The following MED27 variants were observed in gnomAD, a reference collection of about 807,000 sequenced individuals.
The protein encoded by MED27 is mediator complex subunit 27.
In MED27, 30 loss-of-function variants were observed where a neutral mutation model predicts 38.2. The ratio of observed to expected loss-of-function variants is 0.79; its 90% CI spans 0.59 to 1.07. The LOEUF is 1.07. Among genes scored for constraint, MED27 ranks in the 50% least tolerant of loss-of-function variants. The pLI is 0.00. For synonymous variants in MED27, 122 were observed against 153.5 expected (o/e 0.79, Z 1.52); for missense variants, 289 against 397.5 (o/e 0.73, Z 2.32).
intron 4 of MED27, among the ~76,000 whole-genome samples, chr9:131,930,425 A>G (rs1340875676): frequency 6.6e-6 from 1 of 152,244 alleles, no homozygotes; most frequent in Non-Finnish European, 1.5e-5. Flanking sequence ...CAGACCTCTC[A>G]GTGGAAACCT....
chr9:131,877,383 T>C (rs946104435), intron 6 of MED27, among the ~76,000 whole-genome samples: 1 of 151,890 alleles, frequency 6.6e-6, no homozygotes, highest in Non-Finnish European at 1.5e-5. Context: ...CTGGCCAACA[T>C]GGTGAAAATC....
At chr9:132,008,778 C>G (rs1369190682) in intron 3 of MED27, among the ~76,000 whole-genome samples, 1 of 152,242 alleles carries the variant, frequency 6.6e-6, no homozygotes, top group Non-Finnish European at 1.5e-5. Flanking sequence ...ACAAGCCACG[C>G]AGAAACCTAC....
intron 3 of MED27, among the ~76,000 whole-genome samples, chr9:131,970,544 G>A (rs926483329): frequency 6.6e-6 from 1 of 152,216 alleles, no homozygotes; most frequent in African/African-American, 2.4e-5. Context: ...ACCACAAGCC[G>A]GTGAAAACTG....
intron 3 of MED27, among the ~76,000 whole-genome samples, chr9:131,942,076 TG>T (rs904353448): frequency 4.6e-5 from 7 of 152,046 alleles, no homozygotes; most frequent in African/African-American, 1.7e-4. Context: ...CTGCCCACCT[TG>T]GCTTCCCAAA....
intron 4 of MED27, among the ~76,000 whole-genome samples, chr9:131,899,523 T>C (rs1040663812): frequency 6.6e-6 from 1 of 152,210 alleles, no homozygotes; most frequent in Non-Finnish European, 1.5e-5. Context: ...CAACCTCTGG[T>C]GCCTGTTTAC....
chr9:131,981,572 AAAG>A (rs1831736545), intron 3 of MED27, among the ~76,000 whole-genome samples: 1 of 152,224 alleles, frequency 6.6e-6, no homozygotes, highest in Admixed American at 6.5e-5. Flanking sequence ...TGCTAGTCCA[AAAG>A]AGGAGGAGGA....
intron 4 of MED27, among the ~76,000 whole-genome samples, chr9:131,899,004 T>C (rs1031656951): frequency 1.3e-5 from 2 of 152,202 alleles, no homozygotes; most frequent in African/African-American, 2.4e-5. Flanking sequence ...TCTCTGAACA[T>C]CTAAATGGAG....
Position 132,002,253 on chromosome 9 carries a change from T to G in MED27, c.479+12084A>C, listed in dbSNP as rs1486270781. ...CCAGTTCTTTCCACACTAACCAAAA[T>G]TAGAGATTTAATGTCTCCGCAAGCT... On this transcript the variant is annotated intron_variant, in intron 3 of 7. Transcript: ENST00000292035. 7.9e-5 allele frequency among the ~76,000 whole-genome samples: 12 copies of G among 152,322 alleles called. 1 individual carries two copies. Among genetic ancestry groups the G allele is most frequent in the Admixed American group, 6.5e-4 (10 of 15,302 alleles).
At chr9:131,934,043 T>C (rs1830637885) in intron 4 of MED27, among the ~76,000 whole-genome samples, 1 of 152,148 alleles carries the variant, frequency 6.6e-6, no homozygotes, top group Admixed American at 6.6e-5. Flanking sequence ...ATCCCTTCAA[T>C]AAATGGTGCT....
rs1357570521 is a variant in MED27 at position 131,861,131 on chromosome 9, C to T, written c.802-459G>A. Among the ~76,000 whole-genome samples the T allele has an allele frequency of 6.6e-6, 1 of 152,054 alleles. No homozygotes were observed. Among genetic ancestry groups the T allele is most frequent in the Non-Finnish European group, 1.5e-5 (1 of 68,026 alleles). On this transcript the variant is annotated intron_variant, in intron 7 of 7. Transcript: ENST00000292035. This position sits in a 1 kb window ranked among gnomAD's most constrained non-coding sequence, Gnocchi z 4.4. ...GAGTTCTCCGCGGAGGTCAACATGC[C>T]TTCTAGCTAATCTGATTTCAGAGGT...
chr9:131,907,263 T>G (rs1304781606), intron 4 of MED27, among the ~76,000 whole-genome samples: 4 of 152,002 alleles, frequency 2.6e-5, no homozygotes, highest in East Asian at 1.9e-4. Context: ...CTCCCTCTGA[T>G]GCCGAGCCGA....
intron 3 of MED27, among the ~76,000 whole-genome samples, chr9:131,973,542 C>G (rs758735081): frequency 6.7e-6 from 1 of 148,606 alleles, no homozygotes; most frequent in Non-Finnish European, 1.5e-5. Context: ...ACTACAACCT[C>G]CGCCTCCTGG....
chr9:131,958,273 C>T (rs933078146), intron 3 of MED27, among the ~76,000 whole-genome samples: 2 of 147,538 alleles, frequency 1.4e-5, no homozygotes, highest in Non-Finnish European at 3.0e-5. Context: ...GAGATGGAGT[C>T]TTGCTCTGTT....
chr9:131,998,282 C>CT (rs371391369), intron 3 of MED27, among the ~76,000 whole-genome samples: 58 of 146,482 alleles, frequency 4.0e-4, no homozygotes, highest in Admixed American at 5.4e-4. Flanking sequence ...TTTTAATATC[C>CT]TTTTTTTTTT....
At chr9:131,983,947 G>A (rs1831794825) in intron 3 of MED27, among the ~76,000 whole-genome samples, 1 of 152,146 alleles carries the variant, frequency 6.6e-6, no homozygotes, top group African/African-American at 2.4e-5. Flanking sequence ...AGCTCCAACT[G>A]ATCCAGCTGT....
At chr9:132,035,498 TG>T (rs36077471) in intron 2 of MED27, among the ~76,000 whole-genome samples, 3 of 151,872 alleles carry the variant, frequency 2.0e-5, no homozygotes, top group Non-Finnish European at 4.4e-5. Flanking sequence ...GGGAAGCAGA[TG>T]GGGGGTGGTG....
intron 2 of MED27, among the ~76,000 whole-genome samples, chr9:132,040,750 G>A (rs190096288): frequency 3.3e-5 from 5 of 152,322 alleles, no homozygotes; most frequent in African/African-American, 9.6e-5. Flanking sequence ...CCCTGTGCAC[G>A]TGCACACACA....
chr9:131,861,642 A>T lies in MED27; in HGVS notation c.802-970T>A, dbSNP rs958352533. ...CTACTTATTTTTCCCTAAGTAGAAG[A>T]AGTTCTGTCTCTGCCACAAATAGTA... On this transcript the variant is annotated intron_variant, in intron 7 of 7. Transcript: ENST00000292035. This position sits in a 1 kb window ranked among gnomAD's most constrained non-coding sequence, Gnocchi z 4.4. Among the ~76,000 whole-genome samples the T allele has an allele frequency of 7.2e-5, 11 of 152,188 alleles. No individual in the cohort carries two copies. Among genetic ancestry groups the T allele is most frequent in the African/African-American group, 2.7e-4 (11 of 41,424 alleles).
At chr9:131,945,147 T>A (rs1020898313) in intron 3 of MED27, among the ~76,000 whole-genome samples, 4 of 147,048 alleles carry the variant, frequency 2.7e-5, no homozygotes, top group Non-Finnish European at 6.0e-5. Flanking sequence ...ATATAAAAAA[T>A]TTATATATAT....
Sources: allele counts gnomAD v4.1 joint callset (sites outside exome capture counted in the v4.1 genomes callset), GRCh38; gene constraint gnomAD v4.1.1; non-coding constraint Gnocchi (gnomAD v3.1); transcripts MANE v1.5; gene names NCBI Gene and HGNC (gene_info 2026-07-23, HGNC 2026-07-21).